The following LMO7 variants were observed in gnomAD, a reference collection of about 807,000 sequenced individuals.
The protein encoded by LMO7 is LIM domain 7.
In LMO7, 120 loss-of-function variants were observed where a neutral mutation model predicts 206.5. The observed-to-expected ratio is 0.58, with a 90% confidence interval of 0.50 to 0.68. The LOEUF is 0.68. Among genes scored for constraint, LMO7 ranks in the 30% least tolerant of loss-of-function variants. The pLI is 0.00. For missense variants in LMO7, 1,959 were observed against 1,957.9 expected (o/e 1.00, Z -0.01); for synonymous variants, 706 against 681.5 (o/e 1.04, Z -0.56).
chr13:75,748,810 TC>T (rs780201285), intron 3 of LMO7, among the ~76,000 whole-genome samples: 5,665 of 134,572 alleles, frequency 0.042, 191 homozygotes, highest in South Asian at 0.19. Context: ...TTTCTTTCTT[TC>T]TTTCTTTTTT....
At chr13:75,669,642 C>T (rs777387730) in intron 1 of LMO7, among the ~76,000 whole-genome samples, 1 of 152,106 alleles carries the variant, frequency 6.6e-6, no homozygotes, top group Non-Finnish European at 1.5e-5. Flanking sequence ...TATACTATAC[C>T]CTTTGTGCTT....
intron 2 of LMO7, among the ~76,000 whole-genome samples, chr13:75,630,989 T>C (rs1159044265): frequency 4.0e-5 from 6 of 151,292 alleles, no homozygotes; most frequent in Non-Finnish European, 8.8e-5. Context: ...ATTTTAACTC[T>C]TTCCCTGTGC....
rs2055717452 is a variant in LMO7, at chr13:75,807,615, T to C, written c.1332T>C (p.Tyr444=). The change falls in exon 10 of 31, where the codon TAT becomes TAC. Residue 444 remains tyrosine, a synonymous_variant. Coordinates refer to ENST00000377534, the MANE Select transcript of LMO7 (RefSeq NM_001306080.2). The part of the protein sequence containing the change: ...RRKNLSYAPG[Y]RRDDLEMAAL... ...AGAATCTCTCTTATGCACCAGGCTA[T>C]AGAAGAGATGACCTCGAGATGGCAG... The C allele has an allele frequency of 1.9e-6, 3 of 1,613,892 alleles. No homozygotes were observed. In the Admixed American group the frequency reaches 5.0e-5, roughly 27 times the overall value.
At chr13:75,805,851 GAC>G in intron 9 of LMO7, 91 bp downstream of exon 9, 1 of 1,329,394 alleles carries the variant, frequency 7.5e-7, no homozygotes, top group Non-Finnish European at 1.0e-6. Context: ...TAATAAGAGA[GAC>G]AGAGAAAGTC....
chr13:75,774,791 C>T (rs1038929475), intron 4 of LMO7, among the ~76,000 whole-genome samples: 2 of 152,076 alleles, frequency 1.3e-5, no homozygotes, highest in African/African-American at 4.8e-5. Flanking sequence ...TATCTTCTCC[C>T]AGTCTGTTAC....
intron 8 of LMO7, chr13:75,805,226 T>C: frequency 8.4e-7 from 1 of 1,193,626 alleles, no homozygotes; most frequent in Non-Finnish European, 1.1e-6. Flanking sequence ...CCCCAAATTG[T>C]TTGTTATGTG....
At chr13:75,626,595 A>ATATATATATATTTTTTTTTTTTTTTTT in intron 2 of LMO7, among the ~76,000 whole-genome samples, 2 of 71,092 alleles carry the variant, frequency 2.8e-5, no homozygotes, top group Non-Finnish European at 7.2e-5. Context: ...ATATATATAA[A>ATATATATATATTTTTTTTTTTTTTTTT]TTTTTTTGAG....
chr13:75,856,438 C>A (rs2060960959), intron 29 of LMO7, 68 bp from the exon 30 acceptor site: 21 of 888,616 alleles, frequency 2.4e-5, no homozygotes, highest in Non-Finnish European at 3.7e-5. Context: ...TTCCCCCCCA[C>A]CCCCAGGAGT....
In LMO7 at chr13:75,853,221, G is replaced by T; in HGVS notation, c.4494G>T (p.Leu1498=). Residue 1498 remains leucine (L), a synonymous_variant, in exon 28 of 31, where the codon CTG becomes CTT. Transcript: ENST00000377534. Reference sequence around the variant, plus strand: ...ACTTTAGTCGCCCACCACCTCAGCTGGTGTCCACATCAAACCGTGCCTACA... The same window carrying T: ...ACTTTAGTCGCCCACCACCTCAGCTTGTGTCCACATCAAACCGTGCCTACA... ...VQDFSRPPPQ[L]VSTSNRAYMR... The T allele has an allele frequency of 1.2e-6, 2 of 1,614,034 alleles. No individual in the cohort carries two copies. Among genetic ancestry groups the T allele is most frequent in the Non-Finnish European group, 1.7e-6 (2 of 1,179,988 alleles).
At chr13:75,776,110 TATAC>T (rs1265257094) in intron 4 of LMO7, among the ~76,000 whole-genome samples, 1 of 99,238 alleles carries the variant, frequency 1.0e-5, no homozygotes, top group Non-Finnish European at 2.2e-5. Flanking sequence ...TATATATATA[TATAC>T]ATACATACAT....
chr13:75,640,087 A>C (rs1398762166), intron 1 of LMO7, among the ~76,000 whole-genome samples: 2 of 7,490 alleles, frequency 2.7e-4, no homozygotes, highest in South Asian at 5.8e-3. Flanking sequence ...AATTATATAT[A>C]ATTTCAATCA....
chr13:75,735,729 C>T (rs1402884332), intron 3 of LMO7, among the ~76,000 whole-genome samples: 1 of 151,822 alleles, frequency 6.6e-6, no homozygotes, highest in Non-Finnish European at 1.5e-5. Flanking sequence ...CCGCCTCGGC[C>T]TCCCAAAGTG....
Position 75,636,351 on chromosome 13 carries a change from C to CCGCGCGCTGCCGCTGGG in LMO7, c.-305_-289dup. On this transcript the variant is annotated 5_prime_UTR_variant, in exon 1 of 31. Transcript: ENST00000377534. Reference sequence around the variant, plus strand: ...GTCCAAACTGTCGTCGGGGCTGGTGCCGCGCGCTGCCGCTGGGCACCCGCT... The same window carrying CCGCGCGCTGCCGCTGGG: ...GTCCAAACTGTCGTCGGGGCTGGTGCCGCGCGCTGCCGCTGGGCGCGCGCTGCCGCTGGGCACCCGCT... 8.1e-7 allele frequency: 1 copy of CCGCGCGCTGCCGCTGGG among 1,228,016 alleles called. No individual in the cohort carries two copies. The highest frequency in any genetic ancestry group is 1.0e-6 in the Non-Finnish European group (1 of 979,066). The allele number at this position is 1,228,016 out of a possible 1,614,324, so 76.1% of individuals were successfully genotyped here. A position where few individuals can be genotyped will look rare whatever the true frequency, so the allele number is the denominator to read the frequency against.
At position 75,796,709 on chromosome 13, in the gene LMO7, T is replaced by C. The variant is rs759787878; in HGVS notation, c.422T>C (p.Leu141Ser). Reference sequence around the variant, plus strand: ...TACTATAATGGTCCCCATCTTAATTTGAAAGCGTTTGAGAATCTTTTAGGA... The same window carrying C: ...TACTATAATGGTCCCCATCTTAATTCGAAAGCGTTTGAGAATCTTTTAGGA... ...NPYYNGPHLNLKAFENLLGQA... is the reference protein window; with the variant it reads ...NPYYNGPHLNSKAFENLLGQA... Residue 141 changes from leucine to serine, a missense_variant, in exon 6 of 31, where the codon TTG becomes TCG. Leu to Ser is a moderately radical substitution (Grantham distance 145). Transcript: ENST00000377534. The C allele has an allele frequency of 2.1e-5, 34 of 1,613,482 alleles. No individual in the cohort carries two copies. The highest frequency in any genetic ancestry group is 4.0e-5 in the African/African-American group (3 of 74,902).
At chr13:75,752,150 T>C (rs530118986) in intron 3 of LMO7, among the ~76,000 whole-genome samples, 45 of 152,152 alleles carry the variant, frequency 3.0e-4, no homozygotes, top group African/African-American at 1.0e-3. Flanking sequence ...ATTATTATTT[T>C]TGACAGAGTC....
At chr13:75,638,247 G>A (rs575663639) in intron 1 of LMO7, among the ~76,000 whole-genome samples, 1 of 152,236 alleles carries the variant, frequency 6.6e-6, no homozygotes, top group East Asian at 1.9e-4. Context: ...AACATGAATA[G>A]GAATGATTCC....
Position 75,760,816 on chromosome 13 carries a change from G to C in LMO7, c.211-116G>C. The C allele has an allele frequency of 1.9e-6, 3 of 1,552,578 alleles. No individual in the cohort carries two copies. The South Asian group carries it at 3.5e-5, about 18-fold the overall frequency. On this transcript the variant is annotated intron_variant, in intron 3 of 30. Coordinates refer to ENST00000377534, the MANE Select transcript of LMO7 (RefSeq NM_001306080.2). ...ATACATATGCATGGGTCTTGCTGCTGCCTCTTTTGCTGACTGTAATTGGAC... is the reference window on the plus strand; with the variant it reads ...ATACATATGCATGGGTCTTGCTGCTCCCTCTTTTGCTGACTGTAATTGGAC...
At chr13:75,849,839 T>G (rs2060340725) in intron 27 of LMO7, among the ~76,000 whole-genome samples, 1 of 152,228 alleles carries the variant, frequency 6.6e-6, no homozygotes, top group African/African-American at 2.4e-5. Context: ...GGTAAATGAA[T>G]GCAGCTACTC....
intron 15 of LMO7, among the ~76,000 whole-genome samples, chr13:75,829,770 T>C (rs2058482639): frequency 6.6e-6 from 1 of 152,126 alleles, no homozygotes; most frequent in South Asian, 2.1e-4. Flanking sequence ...GAAATAAGTG[T>C]TACTGTTGGG....
Sources: allele counts gnomAD v4.1 joint callset (sites outside exome capture counted in the v4.1 genomes callset), GRCh38; gene constraint gnomAD v4.1.1; transcripts MANE v1.5; gene names NCBI Gene and HGNC (gene_info 2026-07-23, HGNC 2026-07-21).